The following NFYC variants were observed in gnomAD, a reference collection of about 807,000 sequenced individuals.
The protein encoded by NFYC is CAAT box DNA-binding protein subunit C.
Under a neutral mutation model 53.1 loss-of-function variants are expected in NFYC, and 25 were observed. The ratio of observed to expected loss-of-function variants is 0.47; its 90% CI spans 0.34 to 0.66. The LOEUF is 0.66. Ranked by LOEUF, NFYC falls within the 30% of genes least tolerant of loss-of-function variation. NFYC has a pLI of 0.01. For synonymous variants in NFYC, 145 were observed against 152.6 expected (o/e 0.95, Z 0.37); for missense variants, 260 against 422.7 (o/e 0.62, Z 3.38).
intron 6 of NFYC, among the ~76,000 whole-genome samples, chr1:40,761,316 G>GT (rs1646533773): frequency 6.6e-6 from 1 of 152,150 alleles, no homozygotes; most frequent in Non-Finnish European, 1.5e-5. Flanking sequence ...CCTGGCTGTT[G>GT]TTTCACCATC....
chr1:40,759,883 G>A (rs1220459163), intron 6 of NFYC, among the ~76,000 whole-genome samples: 1 of 152,162 alleles, frequency 6.6e-6, no homozygotes, highest in East Asian at 1.9e-4. Context: ...AACACATCCT[G>A]GACAGCCTCG....
intron 1 of NFYC, among the ~76,000 whole-genome samples, chr1:40,707,022 T>C (rs528845239): frequency 4.4e-4 from 67 of 151,604 alleles, no homozygotes; most frequent in Non-Finnish European, 5.0e-4. Flanking sequence ...CTACAAAAAT[T>C]AGTCGGATGT....
intron 4 of NFYC, among the ~76,000 whole-genome samples, 196 bp downstream of exon 4, chr1:40,749,882 C>T (rs1645816848): frequency 6.6e-6 from 1 of 152,180 alleles, no homozygotes; most frequent in African/African-American, 2.4e-5. Context: ...GCAGACATAC[C>T]TTCTAGCCAT....
At chr1:40,719,541 C>G (rs1644259320) in intron 1 of NFYC, among the ~76,000 whole-genome samples, 1 of 152,232 alleles carries the variant, frequency 6.6e-6, no homozygotes, top group Admixed American at 6.5e-5. Flanking sequence ...CCTAGTCCCA[C>G]TCCTTTGATG....
At chr1:40,744,575 T>C (rs1199325749) in intron 2 of NFYC, among the ~76,000 whole-genome samples, 2 of 152,226 alleles carry the variant, frequency 1.3e-5, no homozygotes, top group South Asian at 4.1e-4. Context: ...AGATTTGAAT[T>C]TGTCTTGAAA....
chr1:40,702,582 T>C (rs1643491780), intron 1 of NFYC, among the ~76,000 whole-genome samples: 1 of 152,140 alleles, frequency 6.6e-6, no homozygotes, highest in South Asian at 2.1e-4. Flanking sequence ...GACCTCGTGA[T>C]CTACCTGCCT....
chr1:40,770,891 G>A lies in NFYC; in HGVS notation c.*63G>A. 6.4e-7 allele frequency: 1 copy of A among 1,564,968 alleles called. No individual in the cohort carries two copies. Among genetic ancestry groups the A allele is most frequent in the Non-Finnish European group, 8.7e-7 (1 of 1,153,138 alleles). Reference sequence around the variant, plus strand: ...TTTTTGCCATACAGCCCCAGGCAATGGGCACAGCCTTCCTCCCCAGAGGAC... The same window carrying A: ...TTTTTGCCATACAGCCCCAGGCAATAGGCACAGCCTTCCTCCCCAGAGGAC... On this transcript the variant is annotated 3_prime_UTR_variant, in exon 10 of 10. Transcript: ENST00000447388. This position sits in a 1 kb window ranked among gnomAD's most constrained non-coding sequence, Gnocchi z 5.3.
At chr1:40,723,641 A>G (rs1417895140) in intron 1 of NFYC, 1 of 152,148 alleles carries the variant, frequency 6.6e-6, no homozygotes, top group African/African-American at 2.4e-5. Flanking sequence ...ACAAGATCAG[A>G]ATATTATCTG....
intron 1 of NFYC, among the ~76,000 whole-genome samples, chr1:40,707,658 A>G (rs1010720133): frequency 6.6e-6 from 1 of 151,592 alleles, no homozygotes; most frequent in Non-Finnish European, 1.5e-5. Flanking sequence ...AAAAAAGAAA[A>G]AAAAAAAACA....
chr1:40,728,617 A>G (rs1274260224), intron 1 of NFYC, among the ~76,000 whole-genome samples: 1 of 151,654 alleles, frequency 6.6e-6, no homozygotes. Context: ...ACTCTGATGG[A>G]GTTGTGCAAG....
intron 1 of NFYC, among the ~76,000 whole-genome samples, chr1:40,698,688 C>T (rs1043974044): frequency 1.3e-5 from 2 of 152,006 alleles, no homozygotes; most frequent in African/African-American, 2.4e-5. Context: ...TCAGCCTCCA[C>T]TGCGCCCAGC....
intron 1 of NFYC, among the ~76,000 whole-genome samples, chr1:40,718,815 C>T (rs1325054407): frequency 1.3e-5 from 2 of 152,192 alleles, no homozygotes; most frequent in Non-Finnish European, 2.9e-5. Flanking sequence ...GGGTTCTCAT[C>T]TTGAAACATA....
At chr1:40,700,107 G>C (rs1338093702) in intron 1 of NFYC, among the ~76,000 whole-genome samples, 2 of 152,132 alleles carry the variant, frequency 1.3e-5, no homozygotes, top group Middle Eastern at 3.2e-3. Context: ...AAGATAGCTT[G>C]GTAATCGTGG....
chr1:40,719,279 C>T (rs934044544), intron 1 of NFYC, among the ~76,000 whole-genome samples: 2 of 152,196 alleles, frequency 1.3e-5, no homozygotes, highest in Admixed American at 6.5e-5. Flanking sequence ...GGAGGAATGG[C>T]TGGATAATTA....
chr1:40,711,246 A>G (rs1425774081), intron 1 of NFYC, among the ~76,000 whole-genome samples: 2 of 152,232 alleles, frequency 1.3e-5, no homozygotes, highest in Non-Finnish European at 2.9e-5. Flanking sequence ...TAGAATGCTT[A>G]TAATAAGAAA....
chr1:40,759,209 G>T (rs1446430985), intron 6 of NFYC, among the ~76,000 whole-genome samples: 1 of 148,334 alleles, frequency 6.7e-6, no homozygotes, highest in African/African-American at 2.5e-5. Context: ...AGCCTGGGCA[G>T]CACAGCAAGA....
Position 40,770,770 on chromosome 1 carries a change from T to A in NFYC, c.950T>A (p.Phe317Tyr). 1 of 1,613,478 alleles carries A rather than the reference T, an allele frequency of 6.2e-7. No homozygotes were observed. The highest frequency in any genetic ancestry group is 8.5e-7 in the Non-Finnish European group (1 of 1,180,032). The change falls in exon 10 of 10, where the codon TTC becomes TAC. Residue 317 changes from phenylalanine (F) to tyrosine (Y), a missense_variant. Coordinates refer to ENST00000447388, the MANE Select transcript of NFYC (RefSeq NM_014223.5). This position sits in a 1 kb window ranked among gnomAD's most constrained non-coding sequence, Gnocchi z 5.3. The part of the protein sequence containing the change: ...PAGQDLAQPM[F>Y]IQSANQPSDG... Reference sequence around the variant, plus strand: ...GGCCAGGACCTCGCCCAGCCCATGTTCATCCAGTCAGCCAACCAGCCCTCC... The same window carrying A: ...GGCCAGGACCTCGCCCAGCCCATGTACATCCAGTCAGCCAACCAGCCCTCC...
rs1557951605 is a variant in NFYC, at chr1:40,770,180, C to CT, written c.889-528dup. ...CTTCTCCACCCCTGGAGCGTCTTGG[C>CT]TATAGTTAAGTGTTTAATACCAGGC... On this transcript the variant is annotated intron_variant, in intron 9 of 9. Transcript: ENST00000447388. This position sits in a 1 kb window ranked among gnomAD's most constrained non-coding sequence, Gnocchi z 5.3. 3.8e-5 allele frequency: 22 copies of CT among 577,734 alleles called. No homozygotes were observed. In the South Asian group the frequency reaches 5.1e-4, roughly 13 times the overall value. 35.8% of individuals were successfully genotyped at this position (577,734 alleles called of 1,614,324 possible). A position where few individuals can be genotyped will look rare whatever the true frequency, so the allele number is the denominator to read the frequency against.
chr1:40,744,551 C>A (rs1645513090), intron 2 of NFYC, among the ~76,000 whole-genome samples: 1 of 152,210 alleles, frequency 6.6e-6, no homozygotes, highest in African/African-American at 2.4e-5. Context: ...TCCAAACTCT[C>A]ATTGAGTGAA....
Sources: gnomAD v4.1 joint callset for allele counts (sites outside exome capture counted in the v4.1 genomes callset) on GRCh38, gnomAD v4.1.1 for gene constraint, Gnocchi (gnomAD v3.1) non-coding constraint, MANE v1.5 for transcripts, NCBI Gene and HGNC (gene_info 2026-07-23, HGNC 2026-07-21) for gene names.